Variants in TUBGCP3 observed in about 807,000 individuals in gnomAD.
The protein encoded by TUBGCP3 is gamma-tubulin complex component 3.
Under a neutral mutation model 123.1 loss-of-function variants are expected in TUBGCP3, and 50 were observed. The ratio of observed to expected loss-of-function variants is 0.41; its 90% CI spans 0.32 to 0.51. The LOEUF is 0.51. Ranked by LOEUF, TUBGCP3 falls within the 20% of genes least tolerant of loss-of-function variation. The probability of loss-of-function intolerance (pLI) is 0.36; values close to 1 mark genes in which losing one functional copy is unlikely to be tolerated. For missense variants in TUBGCP3, 882 were observed against 1,127.0 expected (o/e 0.78, Z 3.11); for synonymous variants, 405 against 413.9 (o/e 0.98, Z 0.26).
the TUBGCP3 span, chr13:112,604,630 G>GT: frequency 6.6e-6 from 1 of 152,118 alleles, no homozygotes; most frequent in South Asian, 2.1e-4. Flanking sequence ...GCAAAAATAA[G>GT]TTTTTTCCTG....
intron 20 of TUBGCP3, among the ~76,000 whole-genome samples, chr13:112,490,730 CAGAT>C (rs1157935879): frequency 1.3e-5 from 2 of 152,290 alleles, no homozygotes; most frequent in East Asian, 3.9e-4. Context: ...TGTTTTTTCT[CAGAT>C]AGGGTATCAG....
intron 20 of TUBGCP3, among the ~76,000 whole-genome samples, chr13:112,491,967 T>C (rs1566527072): frequency 1.3e-5 from 2 of 152,254 alleles, no homozygotes; most frequent in African/African-American, 4.8e-5. Flanking sequence ...CTCTTAGTTC[T>C]GTCTTCATAT....
At chr13:112,564,656 A>G (rs1265873555) in intron 3 of TUBGCP3, among the ~76,000 whole-genome samples, 3 of 151,730 alleles carry the variant, frequency 2.0e-5, no homozygotes, top group Admixed American at 1.3e-4. Flanking sequence ...TCTCAAAAGA[A>G]AAAAAAAAGG....
chr13:112,527,256 C>T lies in TUBGCP3; in HGVS notation c.1446+118G>A, dbSNP rs375843961. The T allele has an allele frequency of 3.1e-4, 252 of 814,186 alleles. No homozygotes were observed. The African/African-American group carries it at 3.7e-3, about 12-fold the overall frequency. 50.4% of individuals were successfully genotyped at this position (814,186 alleles called of 1,614,324 possible). On this transcript the variant is annotated intron_variant, in intron 12 of 21. Transcript: ENST00000261965. ...CAATTAACATGCACTTACTTCATCT[C>T]CAGAACGTTAACAATCTCAAAACGC...
chr13:112,589,896 A>G (rs1401954746), upstream of TUBGCP3, among the ~76,000 whole-genome samples: 4 of 152,232 alleles, frequency 2.6e-5, no homozygotes, highest in Non-Finnish European at 5.9e-5. Flanking sequence ...GGACGAGAAA[A>G]TTGGGAAACA....
At chr13:112,564,560 A>T (rs572184004) in intron 3 of TUBGCP3, among the ~76,000 whole-genome samples, 1 of 152,236 alleles carries the variant, frequency 6.6e-6, no homozygotes, top group African/African-American at 2.4e-5. Context: ...ATGCACCTGT[A>T]GTCCCAGCTA....
chr13:112,531,961 C>T (rs1877616416), intron 11 of TUBGCP3, among the ~76,000 whole-genome samples: 1 of 152,146 alleles, frequency 6.6e-6, no homozygotes, highest in African/African-American at 2.4e-5. Context: ...ACCATGATTT[C>T]TCATTAATTG....
the TUBGCP3 span, among the ~76,000 whole-genome samples, chr13:112,596,114 T>C: frequency 1.3e-5 from 2 of 152,196 alleles, no homozygotes; most frequent in Admixed American, 6.5e-5. Context: ...TCTACAAACA[T>C]TGAGAACCAC....
Position 112,545,883 on chromosome 13 carries a change from A to G in TUBGCP3, c.1169-18T>C, listed in dbSNP as rs1304233533. ...TTTCCTTCCTGGGAGAAATGGAGGA[A>G]AATACACAAAAACATCCACATTTAC... On this transcript the variant is annotated intron_variant, in intron 10 of 21. Transcript: ENST00000261965. This position sits in a 1 kb window ranked among gnomAD's most constrained non-coding sequence, Gnocchi z 4.1. 1.9e-6 allele frequency: 3 copies of G among 1,605,246 alleles called. No individual in the cohort carries two copies. In the Admixed American group the frequency reaches 5.0e-5, roughly 27 times the overall value.
intron 1 of TUBGCP3, among the ~76,000 whole-genome samples, chr13:112,584,959 G>T (rs1448683657): frequency 6.6e-6 from 1 of 152,208 alleles, no homozygotes; most frequent in African/African-American, 2.4e-5. Flanking sequence ...AGTTGGAAAA[G>T]GTGGTAAATC....
At chr13:112,559,062 T>C (rs1332384933) in intron 4 of TUBGCP3, among the ~76,000 whole-genome samples, 1 of 152,240 alleles carries the variant, frequency 6.6e-6, no homozygotes, top group Non-Finnish European at 1.5e-5. Context: ...AAAGTAAACA[T>C]TTTGAAAACT....
At chr13:112,565,623 T>C (rs1184289172) in intron 2 of TUBGCP3, among the ~76,000 whole-genome samples, 1 of 152,148 alleles carries the variant, frequency 6.6e-6, no homozygotes, top group African/African-American at 2.4e-5. Flanking sequence ...AAACTACATA[T>C]CCTAAACATT....
intron 11 of TUBGCP3, among the ~76,000 whole-genome samples, chr13:112,542,940 G>C (rs1878648771): frequency 6.6e-6 from 1 of 152,184 alleles, no homozygotes; most frequent in Non-Finnish European, 1.5e-5. Context: ...CTGAGCTCAG[G>C]AGTTCAAGAC....
At chr13:112,549,156 T>TA (rs1437841491) in intron 8 of TUBGCP3, among the ~76,000 whole-genome samples, 1 of 152,116 alleles carries the variant, frequency 6.6e-6, no homozygotes, top group African/African-American at 2.4e-5. Flanking sequence ...TATGCAGCCA[T>TA]AAAAAATGAT....
chr13:112,510,160 C>T (rs1229256248), intron 17 of TUBGCP3, among the ~76,000 whole-genome samples: 1 of 152,120 alleles, frequency 6.6e-6, no homozygotes, highest in African/African-American at 2.4e-5. Context: ...AGCTAAGTGC[C>T]AGGCTCTTCT....
intron 11 of TUBGCP3, among the ~76,000 whole-genome samples, chr13:112,529,467 G>C (rs1032439587): frequency 6.6e-6 from 1 of 152,178 alleles, no homozygotes; most frequent in Non-Finnish European, 1.5e-5. Flanking sequence ...TTATGATCAT[G>C]AGAGCGTGGA....
At chr13:112,505,123 ATTTC>A (rs1469436007) in intron 17 of TUBGCP3, among the ~76,000 whole-genome samples, 1 of 152,130 alleles carries the variant, frequency 6.6e-6, no homozygotes, top group African/African-American at 2.4e-5. Flanking sequence ...TAAAGGTGAC[ATTTC>A]TTTAAGGAAC....
intron 20 of TUBGCP3, among the ~76,000 whole-genome samples, chr13:112,493,068 A>G (rs994236259): frequency 0.06 from 2,153 of 35,826 alleles, no homozygotes; most frequent in Middle Eastern, 0.18. Flanking sequence ...AGGGCCTGGT[A>G]TCCCTGAGAC....
At chr13:112,558,939 G>A (rs531314523) in intron 4 of TUBGCP3, among the ~76,000 whole-genome samples, 3 of 152,180 alleles carry the variant, frequency 2.0e-5, no homozygotes, top group Admixed American at 2.0e-4. Flanking sequence ...GTGATGACAG[G>A]GTTTCACTGG....
Sources: gnomAD v4.1 joint callset for allele counts (sites outside exome capture counted in the v4.1 genomes callset) on GRCh38, gnomAD v4.1.1 for gene constraint, Gnocchi (gnomAD v3.1) non-coding constraint, MANE v1.5 for transcripts, NCBI Gene and HGNC (gene_info 2026-07-23, HGNC 2026-07-21) for gene names.